The following FRMPD4 variants were observed in gnomAD, a reference collection of about 807,000 sequenced individuals.
FRMPD4 encodes FERM and PDZ domain containing 4, also known as FERM and PDZ domain-containing protein 4.
A neutral mutation model predicts 94.1 loss-of-function variants in FRMPD4; 22 were observed. That is an observed-to-expected ratio of 0.23 (90% confidence interval 0.17 to 0.33). FRMPD4 has a LOEUF of 0.33. FRMPD4 is among the 10% of genes least tolerant of loss of function. The probability of loss-of-function intolerance (pLI) is 1.00; values close to 1 mark genes in which losing one functional copy is unlikely to be tolerated. For synonymous variants in FRMPD4, 631 were observed against 548.6 expected (o/e 1.15, Z -2.10); for missense variants, 1,111 against 1,339.9 (o/e 0.83, Z 2.67).
At chrX:11,831,657 C>G (rs1190250945) in intron 1 of FRMPD4, among the ~76,000 whole-genome samples, 1 of 110,717 alleles carries the variant, frequency 9.0e-6, no homozygotes, top group Non-Finnish European at 1.9e-5. Flanking sequence ...GGGTAGGGAT[C>G]GGGCTTTGGG....
rs759686632 is a variant in FRMPD4 at position 11,950,527 on chromosome X, T to G, written c.95+72509T>G. The stretch of plus-strand genomic sequence containing the variant: ...GATCTCCAGACTTATTCATTCTACG[T>G]AACTGAAACTTTGTACTCTTTGACC... On this transcript the variant is annotated intron_variant, in intron 3 of 18. Coordinates refer to the FRMPD4 transcript ENST00000640291. Among the ~76,000 whole-genome samples the G allele has an allele frequency of 1.3e-4, 14 of 111,939 alleles. No individual in the cohort carries two copies. The South Asian group carries it at 5.2e-3, about 42-fold the overall frequency.
rs1403889210 is a variant in FRMPD4, at chrX:12,700,495, T to A, written c.934-1379T>A. 2.7e-5 allele frequency among the ~76,000 whole-genome samples: 3 copies of A among 111,916 alleles called. No homozygotes were observed. The Admixed American group carries it at 2.8e-4, about 11-fold the overall frequency. On this transcript the variant is annotated intron_variant, in intron 9 of 16. Transcript: ENST00000675598. The stretch of plus-strand genomic sequence containing the variant: ...ATACTACTCCAAAGCCAACCTCTGT[T>A]CCCATGCAGCACTTTACACTTGATG...
intron 2 of FRMPD4, among the ~76,000 whole-genome samples, chrX:12,556,867 GAC>G (rs2058601456): frequency 1.1e-5 from 1 of 90,488 alleles, no homozygotes; most frequent in South Asian, 4.8e-4. Context: ...GTTTATTTGA[GAC>G]AGTCTCGCTG....
intron 1 of FRMPD4, among the ~76,000 whole-genome samples, chrX:11,823,097 A>G (rs980141194): frequency 9.0e-6 from 1 of 110,644 alleles, no homozygotes; most frequent in African/African-American, 3.3e-5. Context: ...TGTGAATTAT[A>G]AAGATATTAA....
Position 12,488,763 on chromosome X carries a change from C to T in FRMPD4, c.42-9917C>T, listed in dbSNP as rs376162908. On this transcript the variant is annotated intron_variant, in intron 1 of 16. Coordinates refer to ENST00000675598, the MANE Select transcript of FRMPD4 (RefSeq NM_001368397.1). ...TGAGAAAGAAACCTGGTTAGTCAACCGAGGTGAACATTTTGGAGCTTGAAG... is the reference window on the plus strand; with the variant it reads ...TGAGAAAGAAACCTGGTTAGTCAACTGAGGTGAACATTTTGGAGCTTGAAG... 8.1e-5 allele frequency among the ~76,000 whole-genome samples: 9 copies of T among 111,538 alleles called. No homozygotes were observed. In the South Asian group the frequency reaches 1.5e-3, roughly 19 times the overall value.
intron 4 of FRMPD4, among the ~76,000 whole-genome samples, chrX:12,670,796 C>T (rs2059832599): frequency 8.9e-6 from 1 of 111,975 alleles, no homozygotes; most frequent in African/African-American, 3.3e-5. Flanking sequence ...TCAGAGTGAA[C>T]AGGCAACCTA....
chrX:12,463,681 G>GTGTTTTTTTTTTTTTTT (rs1555969426), intron 1 of FRMPD4, among the ~76,000 whole-genome samples: 2 of 51,046 alleles, frequency 3.9e-5, no homozygotes, highest in Non-Finnish European at 6.8e-5. Context: ...CTATGTGTGT[G>GTGTTTTTTTTTTTTTTT]TTTTTTTTTT....
intron 16 of FRMPD4, among the ~76,000 whole-genome samples, chrX:12,719,036 AAT>A (rs1477328726): frequency 8.9e-6 from 1 of 112,461 alleles, no homozygotes; most frequent in African/African-American, 3.2e-5. Context: ...TGGATGGGGC[AAT>A]ATGTTTTTCC....
chrX:11,865,704 C>T (rs965214281), intron 2 of FRMPD4, among the ~76,000 whole-genome samples: 4 of 111,851 alleles, frequency 3.6e-5, no homozygotes, highest in Non-Finnish European at 7.5e-5. Context: ...AAAGTTAGTA[C>T]TCTTAACTAG....
At chrX:11,866,788 G>C (rs1270907152) in intron 2 of FRMPD4, among the ~76,000 whole-genome samples, 3 of 111,318 alleles carry the variant, frequency 2.7e-5, no homozygotes, top group African/African-American at 9.8e-5. Context: ...TTCTTGGTCT[G>C]GATGTTTAAT....
intron 1 of FRMPD4, among the ~76,000 whole-genome samples, chrX:12,369,692 T>C (rs1265154442): frequency 9.0e-6 from 1 of 111,350 alleles, no homozygotes; most frequent in African/African-American, 3.3e-5. Flanking sequence ...AATGGCAGAG[T>C]CTCATAGTCA....
At chrX:12,345,210 G>GTGGA (rs1349512971) in intron 1 of FRMPD4, among the ~76,000 whole-genome samples, 4 of 109,294 alleles carry the variant, frequency 3.7e-5, no homozygotes, top group South Asian at 8.0e-4. Context: ...GGGTGGGTGG[G>GTGGA]TGGATGGATG....
chrX:12,597,641 T>C (rs1202432033), intron 2 of FRMPD4, among the ~76,000 whole-genome samples: 1 of 112,638 alleles, frequency 8.9e-6, no homozygotes, highest in Non-Finnish European at 1.9e-5. Context: ...GTGCATTCCA[T>C]TTAATGTTTA....
At chrX:12,376,070 G>A (rs780854441) in intron 1 of FRMPD4, among the ~76,000 whole-genome samples, 1 of 112,141 alleles carries the variant, frequency 8.9e-6, no homozygotes, top group South Asian at 3.7e-4. Flanking sequence ...TGTGTTCCTC[G>A]ATGGTAGGGC....
chrX:12,239,088 G>T (rs751447551), intron 1 of FRMPD4, among the ~76,000 whole-genome samples: 1 of 112,027 alleles, frequency 8.9e-6, no homozygotes, highest in Non-Finnish European at 1.9e-5. Flanking sequence ...CAGAATCAAG[G>T]CTATTTCCCA....
At chrX:12,332,205 T>TAGAGAG (rs1417542016) in intron 1 of FRMPD4, among the ~76,000 whole-genome samples, 1 of 66,027 alleles carries the variant, frequency 1.5e-5, no homozygotes, top group Non-Finnish European at 2.5e-5. Context: ...TATATATATA[T>TAGAGAG]ATAGAGAGAG....
At chrX:12,450,967 C>T (rs190857651) in intron 1 of FRMPD4, among the ~76,000 whole-genome samples, 3 of 106,519 alleles carry the variant, frequency 2.8e-5, no homozygotes, top group Non-Finnish European at 5.8e-5. Flanking sequence ...AAAAAAAAGG[C>T]GAAGTCCTCA....
intron 1 of FRMPD4, among the ~76,000 whole-genome samples, chrX:11,844,466 G>A (rs1438918396): frequency 1.8e-5 from 2 of 110,915 alleles, no homozygotes; most frequent in Non-Finnish European, 3.8e-5. Context: ...GTGACACCTT[G>A]ACTGGACCAT....
At chrX:12,418,106 C>G (rs1346159178) in intron 1 of FRMPD4, among the ~76,000 whole-genome samples, 1 of 110,013 alleles carries the variant, frequency 9.1e-6, no homozygotes. Flanking sequence ...GGTTCAGAAC[C>G]CTTGCTGGAA....
Sources: gnomAD v4.1 joint callset for allele counts (sites outside exome capture counted in the v4.1 genomes callset) on GRCh38, gnomAD v4.1.1 for gene constraint, MANE v1.5 for transcripts, NCBI Gene and HGNC (gene_info 2026-07-23, HGNC 2026-07-21) for gene names.